STXBP6: variants seen among roughly 807,000 people sequenced by gnomAD.
The protein encoded by STXBP6 is syntaxin-binding protein 6.
STXBP6 carries 21 observed loss-of-function variants against 26.9 expected under a neutral mutation model. The ratio of observed to expected loss-of-function variants is 0.78; its 90% CI spans 0.55 to 1.12. The LOEUF (loss-of-function observed/expected upper bound fraction) is 1.12, where lower values mean the gene tolerates loss of function less well. Ranked by LOEUF, STXBP6 falls within the 50% of genes most tolerant of loss-of-function variation. STXBP6 has a pLI of 0.00. For missense variants in STXBP6, 232 were observed against 257.9 expected (o/e 0.90, Z 0.69); for synonymous variants, 97 against 92.6 (o/e 1.05, Z -0.27).
At chr14:24,856,179 T>C in intron 3 of STXBP6, 78 bp from the exon 4 acceptor site, 2 of 1,379,696 alleles carry the variant, frequency 1.4e-6, no homozygotes, top group Non-Finnish European at 1.9e-6. Context: ...TCAAAAGATT[T>C]ATAAGGGCTA....
intron 2 of STXBP6, among the ~76,000 whole-genome samples, chr14:24,932,766 A>G (rs1434773915): frequency 2.0e-5 from 3 of 152,152 alleles, no homozygotes; most frequent in Admixed American, 2.0e-4. Flanking sequence ...ATGTGGGAGG[A>G]TAAAAGAAAT....
At chr14:24,999,575 T>G (rs1470997712) in intron 1 of STXBP6, among the ~76,000 whole-genome samples, 2 of 152,094 alleles carry the variant, frequency 1.3e-5, no homozygotes, top group Admixed American at 6.5e-5. Flanking sequence ...TTAGCAGATA[T>G]GAATACAATG....
At chr14:24,960,743 A>C (rs1432874705) in intron 2 of STXBP6, among the ~76,000 whole-genome samples, 3 of 152,196 alleles carry the variant, frequency 2.0e-5, no homozygotes, top group Non-Finnish European at 2.9e-5. Context: ...CTTGAGAAGA[A>C]AGAGAGCCAC....
intron 2 of STXBP6, among the ~76,000 whole-genome samples, chr14:24,887,800 C>T (rs1191064347): frequency 6.6e-6 from 1 of 152,226 alleles, no homozygotes; most frequent in East Asian, 1.9e-4. Flanking sequence ...ACTGCAGATG[C>T]TTCCCACTAA....
chr14:24,823,470 A>C (rs1425757637), intron 4 of STXBP6, among the ~76,000 whole-genome samples: 14 of 152,178 alleles, frequency 9.2e-5, no homozygotes, highest in East Asian at 3.8e-4. Context: ...AAAATCCTTA[A>C]TTCTATTGCT....
intron 4 of STXBP6, among the ~76,000 whole-genome samples, chr14:24,846,968 C>T (rs1432754061): frequency 2.0e-5 from 3 of 152,132 alleles, no homozygotes; most frequent in African/African-American, 2.4e-5. Context: ...TGTATAGTTT[C>T]TCATATACTA....
chr14:24,907,174 G>A (rs1385260136), intron 2 of STXBP6, among the ~76,000 whole-genome samples: 1 of 152,030 alleles, frequency 6.6e-6, no homozygotes, highest in African/African-American at 2.4e-5. Context: ...AATTTGTGAT[G>A]TTCTCAACAC....
chr14:24,887,815 C>T (rs1181484715), intron 2 of STXBP6, among the ~76,000 whole-genome samples: 1 of 152,170 alleles, frequency 6.6e-6, no homozygotes, highest in African/African-American at 2.4e-5. Flanking sequence ...CACTAAGTAT[C>T]GTCAAGTCAG....
At chr14:25,040,779 G>A (rs1029428356) in intron 1 of STXBP6, among the ~76,000 whole-genome samples, 3 of 152,132 alleles carry the variant, frequency 2.0e-5, no homozygotes, top group Non-Finnish European at 4.4e-5. Flanking sequence ...CCTTGTCTTT[G>A]AAGGAGTTCA....
At chr14:25,010,850 A>G (rs545423523) in intron 1 of STXBP6, among the ~76,000 whole-genome samples, 12 of 152,298 alleles carry the variant, frequency 7.9e-5, no homozygotes, top group African/African-American at 2.9e-4. Flanking sequence ...GACAAGACCA[A>G]TGGTGGTGGT....
chr14:24,870,574 T>C (rs1346278556), intron 2 of STXBP6, among the ~76,000 whole-genome samples: 2 of 152,196 alleles, frequency 1.3e-5, no homozygotes, highest in Admixed American at 1.3e-4. Context: ...CTAACTTTTT[T>C]ACTCTCATAA....
intron 2 of STXBP6, among the ~76,000 whole-genome samples, chr14:24,897,266 C>T (rs2139594952): frequency 6.6e-6 from 1 of 151,590 alleles, no homozygotes; most frequent in South Asian, 2.1e-4. Flanking sequence ...TAAAATTAGC[C>T]AGGCGTGGTG....
At chr14:24,906,178 T>C (rs1008211652) in intron 2 of STXBP6, among the ~76,000 whole-genome samples, 2 of 152,188 alleles carry the variant, frequency 1.3e-5, no homozygotes, top group South Asian at 2.1e-4. Flanking sequence ...ATGCTCTCTA[T>C]TTTTTCTCAA....
chr14:24,903,705 CAGAT>C (rs1482524270), intron 2 of STXBP6, among the ~76,000 whole-genome samples: 1 of 152,102 alleles, frequency 6.6e-6, no homozygotes, highest in African/African-American at 2.4e-5. Flanking sequence ...GGATCTAACA[CAGAT>C]GGATAAAAAA....
At chr14:25,011,989 G>A (rs2075042479) in intron 1 of STXBP6, among the ~76,000 whole-genome samples, 1 of 152,070 alleles carries the variant, frequency 6.6e-6, no homozygotes, top group African/African-American at 2.4e-5. Flanking sequence ...GCTGTTTTTT[G>A]TTTTTGTTTG....
At chr14:24,835,313 C>T (rs541769457) in intron 4 of STXBP6, among the ~76,000 whole-genome samples, 10 of 150,168 alleles carry the variant, frequency 6.7e-5, no homozygotes, top group South Asian at 4.3e-4. Flanking sequence ...CACTGAGACC[C>T]GGAGCCGTGT....
chr14:24,917,634 G>A (rs1193719508), intron 2 of STXBP6, among the ~76,000 whole-genome samples: 4 of 151,884 alleles, frequency 2.6e-5, no homozygotes, highest in East Asian at 1.9e-4. Context: ...AAATGTAAGG[G>A]CTAAAACTTC....
At chr14:24,963,108 C>T (rs754758967) in intron 2 of STXBP6, among the ~76,000 whole-genome samples, 9 of 151,952 alleles carry the variant, frequency 5.9e-5, no homozygotes, top group Non-Finnish European at 1.3e-4. Context: ...TTGTTTTTTT[C>T]CCCTTGGTTT....
At chr14:24,903,072 T>C (rs937752878) in intron 2 of STXBP6, among the ~76,000 whole-genome samples, 3 of 152,238 alleles carry the variant, frequency 2.0e-5, no homozygotes, top group Admixed American at 2.0e-4. Context: ...AACAAGCAAC[T>C]TGTGATCATT....
Sources: allele counts gnomAD v4.1 joint callset (sites outside exome capture counted in the v4.1 genomes callset), GRCh38; gene constraint gnomAD v4.1.1; transcripts MANE v1.5; gene names NCBI Gene and HGNC (gene_info 2026-07-23, HGNC 2026-07-21).